DDX46: variants seen among roughly 807,000 people sequenced by gnomAD.
DDX46 encodes the protein probable ATP-dependent RNA helicase DDX46.
Under a neutral mutation model 134.9 loss-of-function variants are expected in DDX46, and 30 were observed. The observed-to-expected ratio is 0.22, with a 90% CI of 0.17 to 0.30. The LOEUF (loss-of-function observed/expected upper bound fraction) is 0.30. Among genes scored for constraint, DDX46 ranks in the 10% least tolerant of loss-of-function variants. The pLI is 1.00. For synonymous variants in DDX46, 415 were observed against 404.1 expected, an observed-to-expected ratio of 1.03 and a Z score of -0.32; for missense variants, 622 against 1,248.7, an observed-to-expected ratio of 0.50 and a Z score of 7.56.
intron 1 of DDX46, among the ~76,000 whole-genome samples, chr5:134,761,260 A>C (rs542302870): frequency 2.0e-5 from 3 of 152,312 alleles, no homozygotes; most frequent in South Asian, 2.1e-4. Context: ...CCTGAGGTCA[A>C]GCTCTCTGCC....
chr5:134,795,648 T>C (rs1409666943), intron 14 of DDX46, among the ~76,000 whole-genome samples: 1 of 152,196 alleles, frequency 6.6e-6, no homozygotes, highest in Non-Finnish European at 1.5e-5. Flanking sequence ...GGAGGATCAC[T>C]TGAGGCCAGG....
chr5:134,801,238 G>C (rs1476075513), intron 15 of DDX46, among the ~76,000 whole-genome samples: 1 of 152,000 alleles, frequency 6.6e-6, no homozygotes, highest in East Asian at 1.9e-4. Flanking sequence ...TTATGCCACT[G>C]TACTCCCACC....
intron 13 of DDX46, among the ~76,000 whole-genome samples, chr5:134,794,007 G>A (rs1363785845): frequency 6.6e-6 from 1 of 152,080 alleles, no homozygotes; most frequent in African/African-American, 2.4e-5. Flanking sequence ...AGAGGGAAGG[G>A]GCATCAGATT....
intron 15 of DDX46, among the ~76,000 whole-genome samples, chr5:134,806,859 C>G (rs1267358317): frequency 6.6e-6 from 1 of 152,082 alleles, no homozygotes; most frequent in Non-Finnish European, 1.5e-5. Context: ...CGTAATAGAA[C>G]TTTATGGTAT....
intron 6 of DDX46, chr5:134,780,622 ATTAT>A (rs1218869522): frequency 4.7e-5 from 7 of 150,310 alleles, no homozygotes; most frequent in Admixed American, 2.0e-4. Context: ...ATTATATAAA[ATTAT>A]TTATAATACA....
At chr5:134,799,550 C>T (rs540053827) in intron 15 of DDX46, among the ~76,000 whole-genome samples, 1 of 152,020 alleles carries the variant, frequency 6.6e-6, no homozygotes, top group East Asian at 1.9e-4. Flanking sequence ...CCAGCCTGGC[C>T]AACATGGTGA....
At chr5:134,769,356 G>T (rs2150132047) in intron 3 of DDX46, among the ~76,000 whole-genome samples, 1 of 117,486 alleles carries the variant, frequency 8.5e-6, no homozygotes, top group Admixed American at 9.7e-5. Flanking sequence ...TTTTGAGGCA[G>T]AATCTTGCTC....
chr5:134,814,582 T>G (rs187634806), intron 18 of DDX46, among the ~76,000 whole-genome samples: 17 of 152,316 alleles, frequency 1.1e-4, no homozygotes, highest in Non-Finnish European at 2.2e-4. Context: ...AACTAGTTGA[T>G]AACTGACCCC....
At chr5:134,784,239 C>T in intron 9 of DDX46, 127 bp from the exon 10 acceptor site, 4 of 893,462 alleles carry the variant, frequency 4.5e-6, no homozygotes, top group South Asian at 2.2e-5. Flanking sequence ...TTTTTATTGC[C>T]AAATAGTATT....
chr5:134,773,300 T>C (rs892428195), intron 4 of DDX46, among the ~76,000 whole-genome samples: 1 of 152,202 alleles, frequency 6.6e-6, no homozygotes, highest in African/African-American at 2.4e-5. Context: ...TTGCTTTTCA[T>C]AGAGGCAATT....
chr5:134,818,689 C>T (rs1484531439), intron 20 of DDX46, among the ~76,000 whole-genome samples, 171 bp from the exon 21 acceptor site: 3 of 137,822 alleles, frequency 2.2e-5, no homozygotes, highest in East Asian at 2.1e-4. Context: ...GCAAAAAGAG[C>T]GAAAACTCCG....
chr5:134,810,411 T>C (rs1047454664), intron 16 of DDX46, among the ~76,000 whole-genome samples: 3 of 151,708 alleles, frequency 2.0e-5, no homozygotes, highest in Non-Finnish European at 4.4e-5. Context: ...CCATCTCACA[T>C]GCACTGCAAC....
At chr5:134,818,735 GGAGAGAGA>G (rs143733920) in intron 20 of DDX46, 117 bp from the exon 21 acceptor site, 6 of 514,998 alleles carry the variant, frequency 1.2e-5, no homozygotes, top group East Asian at 7.6e-5. Flanking sequence ...ATATATATAT[GGAGAGAGA>G]GAGAGAGAGA....
intron 4 of DDX46, among the ~76,000 whole-genome samples, chr5:134,772,581 A>G (rs1054421102): frequency 1.2e-4 from 19 of 152,112 alleles, no homozygotes; most frequent in Non-Finnish European, 1.0e-4. Context: ...TCATGCCTGT[A>G]ATCCCAGGAA....
chr5:134,762,698 A>G (rs1280756219), intron 1 of DDX46, among the ~76,000 whole-genome samples: 1 of 152,028 alleles, frequency 6.6e-6, no homozygotes, highest in Admixed American at 6.6e-5. Context: ...GTGCTATTGC[A>G]TTCCAGCCTG....
intron 1 of DDX46, among the ~76,000 whole-genome samples, chr5:134,760,654 C>T (rs1397860777): frequency 2.6e-5 from 4 of 152,134 alleles, no homozygotes; most frequent in Admixed American, 6.5e-5. Context: ...AGAATAGTGA[C>T]GGTTGGAACT....
intron 6 of DDX46, among the ~76,000 whole-genome samples, chr5:134,779,350 T>C (rs1036774110): frequency 1.3e-5 from 2 of 151,316 alleles, no homozygotes; most frequent in African/African-American, 4.9e-5. Flanking sequence ...CCCACCACCA[T>C]GCCTGGCTAA....
intron 15 of DDX46, among the ~76,000 whole-genome samples, chr5:134,805,935 A>G (rs1464008530): frequency 6.6e-6 from 1 of 151,984 alleles, no homozygotes; most frequent in Non-Finnish European, 1.5e-5. Context: ...AGACATCCTA[A>G]AGGCCAGGCC....
intron 10 of DDX46, chr5:134,784,749 A>T (rs1754278667): frequency 5.7e-6 from 2 of 352,672 alleles, no homozygotes; most frequent in Non-Finnish European, 9.8e-6. Flanking sequence ...TCAGAAGTAC[A>T]AAAACAGCCT....
Sources: gnomAD v4.1 joint callset for allele counts (sites outside exome capture counted in the v4.1 genomes callset) on GRCh38, gnomAD v4.1.1 for gene constraint, MANE v1.5 for transcripts, NCBI Gene and HGNC (gene_info 2026-07-23, HGNC 2026-07-21) for gene names.